NLRP3: variants seen among roughly 807,000 people sequenced by gnomAD.
NLRP3 encodes NLR family pyrin domain containing 3.
NLRP3 carries 48 observed loss-of-function variants against 91.3 expected under a neutral mutation model. The observed-to-expected ratio is 0.53, with a 90% CI of 0.42 to 0.67. The LOEUF is 0.67. NLRP3 is among the 30% of genes least tolerant of loss of function. The pLI is 0.00. For synonymous variants in NLRP3, 561 were observed against 507.9 expected (o/e 1.10, Z -1.41); for missense variants, 982 against 1,276.9 (o/e 0.77, Z 3.52).
rs1664433078 is a variant in NLRP3 at position 247,444,118 on chromosome 1, C to A, written c.2810C>A (p.Pro937His). The change falls in exon 8 of 10, where the codon CCC becomes CAC. Residue 937 changes from proline (P) to histidine (H), a missense_variant. Coordinates refer to ENST00000336119, the MANE Select transcript of NLRP3 (RefSeq NM_001243133.2). ...CTACTCTGTGAGGGACTCTTGCACC[C>A]CGACTGCAAGCTTCAGGTGTTGGAG... ...IKLLCEGLLH[P>H]DCKLQVLELD... is the part of the protein sequence containing the mutation. 1.2e-6 allele frequency: 2 copies of A among 1,614,078 alleles called. No individual in the cohort carries two copies. Among genetic ancestry groups the A allele is most frequent in the Admixed American group, 1.7e-5 (1 of 60,000 alleles).
chr1:247,445,671 C>T (rs754058308), intron 9 of NLRP3, among the ~76,000 whole-genome samples: 7 of 152,162 alleles, frequency 4.6e-5, no homozygotes, highest in South Asian at 2.1e-4. Flanking sequence ...TTCTGTCAGC[C>T]GTGATGATTG....
At position 247,425,697 on chromosome 1, in the gene NLRP3, A is replaced by G. The variant is rs2103114731; in HGVS notation, c.2150+98A>G. ...ATCTCTTTTCAACTATCTTCCAAAT[A>G]CTGTTGCCACAGCTACATCATAATG... On this transcript the variant is annotated intron_variant, in intron 4 of 9. Coordinates refer to ENST00000336119, the MANE Select transcript of NLRP3 (RefSeq NM_001243133.2). The surrounding 1 kb of genome is among the most constrained non-coding windows in gnomAD (Gnocchi z 4.1). The G allele has an allele frequency of 3.6e-6, 4 of 1,105,710 alleles. No individual in the cohort carries two copies. Among genetic ancestry groups the G allele is most frequent in the Middle Eastern group, 5.7e-4 (2 of 3,520 alleles). The allele number at this position is 1,105,710 out of a possible 1,614,324, so 68.5% of individuals were successfully genotyped here. A position where few individuals can be genotyped will look rare whatever the true frequency, so the allele number is the denominator to read the frequency against.
intron 7 of NLRP3, among the ~76,000 whole-genome samples, chr1:247,440,598 T>A (rs1664139913): frequency 6.6e-6 from 1 of 152,204 alleles, no homozygotes; most frequent in Non-Finnish European, 1.5e-5. Context: ...GAGTTTTGTT[T>A]TGCTGTTTTA....
Position 247,429,728 on chromosome 1 carries a change from A to G in NLRP3, c.2294A>G (p.His765Arg). 2 of 1,614,106 alleles carry G rather than the reference A, an allele frequency of 1.2e-6. No individual in the cohort carries two copies. The highest frequency in any genetic ancestry group is 1.7e-6 in the Non-Finnish European group (2 of 1,180,000). ...AGAGTGTTGTGTGAAACGCTCCAGC[A>G]TCCTGGCTGTAACATTCGGAGATTG... is the stretch of plus-strand genomic sequence containing the variant. ...GMRVLCETLQ[H>R]PGCNIRRLWL... The change falls in exon 5 of 10, where the codon CAT (histidine) becomes CGT (arginine). Residue 765 changes from histidine (H) to arginine (R), a missense_variant. Physicochemically the swap from His to Arg is conservative, Grantham distance 29. Coordinates refer to ENST00000336119, the MANE Select transcript of NLRP3 (RefSeq NM_001243133.2).
At chr1:247,443,840 T>G in intron 7 of NLRP3, 132 bp from the exon 8 acceptor site, 2 of 830,710 alleles carry the variant, frequency 2.4e-6, no homozygotes, top group Non-Finnish European at 2.0e-6. Flanking sequence ...AGATCATATC[T>G]GAGATGCTGG....
At position 247,425,664 on chromosome 1, in the gene NLRP3, C is replaced by T; in HGVS notation, c.2150+65C>T. 1.4e-6 allele frequency: 2 copies of T among 1,423,870 alleles called. No individual in the cohort carries two copies. The highest frequency in any genetic ancestry group is 2.0e-6 in the Non-Finnish European group (2 of 1,023,152). The allele number at this position is 1,423,870 out of a possible 1,614,324, so 88.2% of individuals were successfully genotyped here. A position where few individuals can be genotyped will look rare whatever the true frequency, so the allele number is the denominator to read the frequency against. ...TCGCCAGCTTCTTCTTGGCGCTTGCCTCCTCTCATCTCTTTTCAACTATCT... is the reference window on the plus strand; with the variant it reads ...TCGCCAGCTTCTTCTTGGCGCTTGCTTCCTCTCATCTCTTTTCAACTATCT... On this transcript the variant is annotated intron_variant, in intron 4 of 9. Coordinates refer to ENST00000336119, the MANE Select transcript of NLRP3 (RefSeq NM_001243133.2). This position sits in a 1 kb window ranked among gnomAD's most constrained non-coding sequence, Gnocchi z 4.1.
At chr1:247,440,738 A>G (rs1364467926) in intron 7 of NLRP3, among the ~76,000 whole-genome samples, 2 of 152,112 alleles carry the variant, frequency 1.3e-5, no homozygotes, top group Admixed American at 6.5e-5. Context: ...CAGCCGCCCA[A>G]GTAGCTGGGA....
chr1:247,448,477 G>T lies in NLRP3; in HGVS notation c.3078G>T (p.Leu1026=). The T allele has an allele frequency of 6.2e-7, 1 of 1,613,326 alleles. No homozygotes were observed. The change falls in exon 10 of 10, where the codon CTG becomes CTT. Residue 1026 remains leucine, a synonymous_variant. Coordinates refer to ENST00000336119, the MANE Select transcript of NLRP3 (RefSeq NM_001243133.2). ...CACTTCAAGAAGAAAAGCCTGAGCT[G>T]ACCGTCGTCTTTGAGCCTTCTTGGT... is the stretch of plus-strand genomic sequence containing the variant. ...LETLQEEKPE[L]TVVFEPSW is the part of the protein sequence containing the mutation.
At chr1:247,447,846 G>C (rs2103257007) in intron 9 of NLRP3, among the ~76,000 whole-genome samples, 1 of 152,252 alleles carries the variant, frequency 6.6e-6, no homozygotes, top group Admixed American at 6.5e-5. Context: ...TGGGAGGAGT[G>C]GGTGGGCAAT....
intron 5 of NLRP3, 47 bp downstream of exon 5, chr1:247,429,802 A>T: frequency 6.3e-7 from 1 of 1,587,018 alleles, no homozygotes. Flanking sequence ...TTCATATGAG[A>T]GAGAGAGAGA....
intron 7 of NLRP3, 148 bp from the exon 8 acceptor site, chr1:247,443,824 C>T (rs965035712): frequency 1.7e-5 from 13 of 743,596 alleles, no homozygotes; most frequent in African/African-American, 5.2e-5. Context: ...AGGTCTTGCT[C>T]TCCCCAGATC....
chr1:247,437,942 T>C (rs1663914326), intron 7 of NLRP3, among the ~76,000 whole-genome samples: 1 of 152,220 alleles, frequency 6.6e-6, no homozygotes, highest in South Asian at 2.1e-4. Context: ...GGCACTCAGG[T>C]GACTCTCAGT....
At chr1:247,443,440 G>GTGT (rs1664368476) in intron 7 of NLRP3, among the ~76,000 whole-genome samples, 1 of 152,018 alleles carries the variant, frequency 6.6e-6, no homozygotes, top group Non-Finnish European at 1.5e-5. Context: ...GGGCCCCGCC[G>GTGT]TGTTCCTGTC....
At chr1:247,435,405 T>C (rs1403052917) in intron 6 of NLRP3, among the ~76,000 whole-genome samples, 2 of 152,210 alleles carry the variant, frequency 1.3e-5, no homozygotes, top group African/African-American at 2.4e-5. Context: ...AAAAGAATTC[T>C]AGTACACACT....
chr1:247,421,673 G>A (rs1662469666), intron 2 of NLRP3, among the ~76,000 whole-genome samples: 1 of 152,172 alleles, frequency 6.6e-6, no homozygotes, highest in South Asian at 2.1e-4. Flanking sequence ...TTTATTTCTA[G>A]CCATAACCAG....
At chr1:247,435,919 G>A (rs1451873332) in intron 6 of NLRP3, 51 bp from the exon 7 acceptor site, 2 of 1,590,442 alleles carry the variant, frequency 1.3e-6, no homozygotes. Flanking sequence ...CCTTGTCCAT[G>A]GTGGAGCGTG....
chr1:247,423,445 G>T, intron 3 of NLRP3, 96 bp downstream of exon 3: 1 of 1,431,256 alleles, frequency 7.0e-7, no homozygotes, highest in Non-Finnish European at 9.8e-7. Flanking sequence ...CATACTATAG[G>T]TTCCTGCTCT....
In NLRP3 at chr1:247,424,104, A is replaced by C; in HGVS notation, c.655A>C (p.Thr219Pro). ...TGATGAGCATTCTGAGCCTGTGCAC[A>C]CCGTGGTGTTCCAGGGGGCGGCAGG... The part of the protein sequence containing the change: ...PDDEHSEPVH[T>P]VVFQGAAGIG... The change falls in exon 4 of 10, where the codon ACC becomes CCC. Residue 219 changes from threonine (T) to proline (P), a missense_variant. Around this residue, in one of 5 missense-constraint regions of NLRP3, gnomAD observed 548 missense variants for 713.7 expected, o/e 0.77. Transcript: ENST00000336119. The surrounding 1 kb of genome is among the most constrained non-coding windows in gnomAD (Gnocchi z 8.1). The C allele has an allele frequency of 1.2e-6, 2 of 1,614,064 alleles. No homozygotes were observed. The highest frequency in any genetic ancestry group is 8.5e-7 in the Non-Finnish European group (1 of 1,180,018).
At chr1:247,430,021 C>T (rs1426211921) in intron 5 of NLRP3, among the ~76,000 whole-genome samples, 2 of 152,088 alleles carry the variant, frequency 1.3e-5, no homozygotes, top group Non-Finnish European at 2.9e-5. Context: ...ATTACAGGCA[C>T]CCACCACCAT....
Sources: gnomAD v4.1 joint callset for allele counts (sites outside exome capture counted in the v4.1 genomes callset) on GRCh38, gnomAD v4.1.1 for gene constraint, gnomAD v4.1.1 regional missense constraint, Gnocchi (gnomAD v3.1) non-coding constraint, MANE v1.5 for transcripts, NCBI Gene and HGNC (gene_info 2026-07-23, HGNC 2026-07-21) for gene names.